C2CD5: variants seen among roughly 807,000 people sequenced by gnomAD.
The protein encoded by C2CD5 is C2 calcium dependent domain containing 5, also known as C2 domain-containing protein 5.
A neutral mutation model predicts 130.3 loss-of-function variants in C2CD5; 109 were observed. The observed-to-expected ratio is 0.84, with a 90% CI of 0.72 to 0.98. C2CD5 has a LOEUF of 0.98. Ranked by LOEUF, C2CD5 falls within the 50% of genes least tolerant of loss-of-function variation. The pLI, the probability that C2CD5 is intolerant of heterozygous loss-of-function variation, is 0.00. For synonymous variants in C2CD5, 454 were observed against 429.2 expected (o/e 1.06, Z -0.71); for missense variants, 996 against 1,261.8 (o/e 0.79, Z 3.19).
At chr12:22,465,383 T>C (rs555714913) in intron 22 of C2CD5, among the ~76,000 whole-genome samples, 6 of 152,272 alleles carry the variant, frequency 3.9e-5, no homozygotes, top group Admixed American at 2.0e-4. Flanking sequence ...TTATCCTACC[T>C]TAGGTAATAT....
chr12:22,471,646 TTTTAATA>T (rs1943054200), intron 19 of C2CD5, among the ~76,000 whole-genome samples, 158 bp from the exon 20 acceptor site: 1 of 152,012 alleles, frequency 6.6e-6, no homozygotes, highest in African/African-American at 2.4e-5. Context: ...ACGATATACT[TTTTAATA>T]TTTAAGTAGA....
chr12:22,527,920 CAT>C (rs749292656), intron 3 of C2CD5, 28 bp from the exon 4 acceptor site: 1 of 1,465,026 alleles, frequency 6.8e-7, no homozygotes, highest in Non-Finnish European at 9.3e-7. Flanking sequence ...AATTAAAACT[CAT>C]ATAGTTTTTA....
At chr12:22,540,013 GA>G (rs1257055700) in intron 2 of C2CD5, among the ~76,000 whole-genome samples, 2 of 146,464 alleles carry the variant, frequency 1.4e-5, no homozygotes, top group South Asian at 2.2e-4. Context: ...AAAAAAAAGA[GA>G]AAAAAAACCC....
In C2CD5 at chr12:22,472,343, A is replaced by C; in HGVS notation, c.2112T>G (p.Phe704Leu). 2 of 1,397,336 alleles carry C rather than the reference A, an allele frequency of 1.4e-6. No individual in the cohort carries two copies. Among genetic ancestry groups the C allele is most frequent in the Non-Finnish European group, 2.0e-6 (2 of 1,007,106 alleles). 86.6% of individuals were successfully genotyped at this position (1,397,336 alleles called of 1,614,324 possible). A position where few individuals can be genotyped will look rare whatever the true frequency, so the allele number is the denominator to read the frequency against. The change falls in exon 18 of 27, where the codon TTT (phenylalanine) becomes TTG (leucine). Residue 704 changes from phenylalanine to leucine, a missense_variant. This residue lies in a region of C2CD5 where 590 missense variants were observed against 631.4 expected (regional missense o/e 0.93). Coordinates refer to ENST00000446597, the MANE Select transcript of C2CD5 (RefSeq NM_001286176.2). Reference protein sequence around the residue: ...LLTDVPPPSGFYSCNTEIMPG... With the variant: ...LLTDVPPPSGLYSCNTEIMPG... ...GCATAATTTCTGTATTACAACTATA[A>C]AAGCCTGTCAAAATAAATTGTAATC...
intron 7 of C2CD5, among the ~76,000 whole-genome samples, chr12:22,518,782 C>A (rs1001526753): frequency 2.6e-5 from 4 of 152,152 alleles, no homozygotes; most frequent in Admixed American, 2.0e-4. Context: ...AGAATCTAAT[C>A]ATCAATTTTA....
intron 2 of C2CD5, among the ~76,000 whole-genome samples, chr12:22,543,322 G>C (rs1272952219): frequency 2.0e-5 from 3 of 152,152 alleles, no homozygotes; most frequent in African/African-American, 7.2e-5. Context: ...CTAATCATTA[G>C]ACTTAAAAAG....
intron 3 of C2CD5, among the ~76,000 whole-genome samples, chr12:22,530,020 C>T (rs1206601050): frequency 6.8e-6 from 1 of 146,474 alleles, no homozygotes; most frequent in South Asian, 2.2e-4. Context: ...CCTGGCACGA[C>T]ATTTCTTTCA....
intron 3 of C2CD5, among the ~76,000 whole-genome samples, chr12:22,532,208 T>G (rs1033743134): frequency 6.6e-6 from 1 of 151,792 alleles, no homozygotes; most frequent in Non-Finnish European, 1.5e-5. Context: ...CGCATGACTG[T>G]ACTCCCAGCT....
At chr12:22,497,253 A>G (rs777695461) in intron 10 of C2CD5, among the ~76,000 whole-genome samples, 9 of 152,084 alleles carry the variant, frequency 5.9e-5, no homozygotes, top group Non-Finnish European at 1.3e-4. Context: ...ATAGTTACCA[A>G]CACTGTACTG....
At chr12:22,511,168 C>A (rs1591920569) in intron 9 of C2CD5, among the ~76,000 whole-genome samples, 2 of 140,806 alleles carry the variant, frequency 1.4e-5, no homozygotes, top group South Asian at 2.3e-4. Flanking sequence ...TTTCTCTTTC[C>A]TCAAGAAAAA....
intron 22 of C2CD5, among the ~76,000 whole-genome samples, chr12:22,464,183 A>G (rs534297298): frequency 3.9e-5 from 6 of 152,324 alleles, no homozygotes; most frequent in Admixed American, 6.5e-5. Flanking sequence ...GACAGTTTAT[A>G]AGGGAAAAAT....
intron 25 of C2CD5, among the ~76,000 whole-genome samples, chr12:22,454,954 A>C (rs1939514533): frequency 6.6e-6 from 1 of 152,220 alleles, no homozygotes; most frequent in Admixed American, 6.5e-5. Context: ...AGCAAAACAG[A>C]AATCAAAGGC....
At chr12:22,509,485 C>T (rs989776164) in intron 9 of C2CD5, among the ~76,000 whole-genome samples, 2 of 152,158 alleles carry the variant, frequency 1.3e-5, no homozygotes, top group Admixed American at 6.5e-5. Flanking sequence ...CCACTCTCCA[C>T]CTCACATGTC....
chr12:22,449,767 G>A lies in C2CD5; in HGVS notation c.3149C>T (p.Thr1050Ile). The change falls in exon 27 of 27, where the codon ACA becomes ATA. Residue 1050 changes from threonine to isoleucine, a missense_variant. Around this residue, in one of 9 missense-constraint regions of C2CD5, gnomAD observed 48 missense variants for 46.4 expected, o/e 1.03. Transcript: ENST00000446597. ...CTTTTTTCCTAATTTTCCTCAGGTTGTAACTTCGCCTTCAGTACATGATGA... is the reference window on the plus strand; with the variant it reads ...CTTTTTTCCTAATTTTCCTCAGGTTATAACTTCGCCTTCAGTACATGATGA... ...CQSSCTEGEV[T>I]T The A allele has an allele frequency of 1.3e-6, 2 of 1,587,640 alleles. No individual in the cohort carries two copies. Among genetic ancestry groups the A allele is most frequent in the Admixed American group, 1.7e-5 (1 of 59,776 alleles).
intron 22 of C2CD5, among the ~76,000 whole-genome samples, chr12:22,469,167 T>C (rs1942600517): frequency 6.6e-6 from 1 of 152,152 alleles, no homozygotes; most frequent in African/African-American, 2.4e-5. Flanking sequence ...GCTATCAATT[T>C]GCACTGGAAA....
chr12:22,544,110 T>C lies in C2CD5; in HGVS notation c.41A>G (p.His14Arg). ...ACTAGCACGGTCCATCACTGGCAAA[T>C]GGCGCCCGGCCACGATTTTCACCTT... ...KLKVKIVAGR[H>R]LPVMDRASDL... is the part of the protein sequence containing the mutation. The change falls in exon 2 of 27, where the codon CAT becomes CGT. Residue 14 changes from histidine to arginine, a missense_variant. This residue lies in a region of C2CD5 where 68 missense variants were observed against 154.5 expected (regional missense o/e 0.44). Coordinates refer to ENST00000446597, the MANE Select transcript of C2CD5 (RefSeq NM_001286176.2). The C allele has an allele frequency of 6.2e-7, 1 of 1,613,426 alleles. No homozygotes were observed.
chr12:22,471,610 C>A, intron 19 of C2CD5, 122 bp from the exon 20 acceptor site: 1 of 516,706 alleles, frequency 1.9e-6, no homozygotes, highest in African/African-American at 2.0e-5. Flanking sequence ...AACTGGTCCA[C>A]TTTTGTTTTG....
intron 11 of C2CD5, among the ~76,000 whole-genome samples, chr12:22,492,984 T>C (rs1946540023): frequency 6.6e-6 from 1 of 152,202 alleles, no homozygotes; most frequent in Admixed American, 6.5e-5. Flanking sequence ...TTAATTGATC[T>C]GTGGTATTAT....
intron 2 of C2CD5, among the ~76,000 whole-genome samples, chr12:22,542,883 T>C (rs1952537716): frequency 1.3e-5 from 2 of 152,248 alleles, no homozygotes; most frequent in Non-Finnish European, 2.9e-5. Flanking sequence ...CTGGCAATTA[T>C]TAAATTCAAC....
Sources: gnomAD v4.1 joint callset for allele counts (sites outside exome capture counted in the v4.1 genomes callset) on GRCh38, gnomAD v4.1.1 for gene constraint, gnomAD v4.1.1 regional missense constraint, MANE v1.5 for transcripts, NCBI Gene and HGNC (gene_info 2026-07-23, HGNC 2026-07-21) for gene names.